Variants in DMD observed in about 807,000 individuals in gnomAD.
DMD encodes the protein mutant dystrophin.
In DMD, 63 loss-of-function variants were observed where a neutral mutation model predicts 330.1. The ratio of observed to expected loss-of-function variants is 0.19; its 90% CI spans 0.16 to 0.24. DMD has a LOEUF of 0.24. Among genes scored for constraint, DMD ranks in the 10% least tolerant of loss-of-function variants. DMD has a pLI of 1.00. For synonymous variants in DMD, 1,223 were observed against 959.8 expected (o/e 1.27, Z -5.07); for missense variants, 3,344 against 2,684.1 (o/e 1.25, Z -5.43).
chrX:32,637,492 T>C (rs1352220453), intron 11 of DMD, among the ~76,000 whole-genome samples: 1 of 111,965 alleles, frequency 8.9e-6, no homozygotes, highest in East Asian at 2.8e-4. Context: ...CAAAGTCACT[T>C]CCACGTGTTC....
chrX:31,642,126 T>C (rs946373714), intron 54 of DMD, among the ~76,000 whole-genome samples: 3 of 112,031 alleles, frequency 2.7e-5, no homozygotes, highest in African/African-American at 9.7e-5. Context: ...CAACATTCTT[T>C]AATATTATTG....
intron 49 of DMD, among the ~76,000 whole-genome samples, chrX:31,822,406 T>C (rs1030401150): frequency 1.8e-5 from 2 of 112,003 alleles, no homozygotes; most frequent in African/African-American, 6.5e-5. Flanking sequence ...TTACAAGTAA[T>C]GATACAGAGC....
At chrX:31,236,145 G>A (rs1259202587) in intron 63 of DMD, among the ~76,000 whole-genome samples, 3 of 112,149 alleles carry the variant, frequency 2.7e-5, no homozygotes, top group African/African-American at 9.7e-5. Context: ...AGTCGTCTTG[G>A]AACCATCAGG....
intron 1 of DMD, chrX:33,129,061 C>A (rs1265719255): frequency 9.0e-6 from 1 of 111,723 alleles, no homozygotes; most frequent in African/African-American, 3.3e-5. Context: ...ACCTTGAATC[C>A]TGCTTCTTGA....
At chrX:32,200,337 C>T (rs2097028589) in intron 44 of DMD, among the ~76,000 whole-genome samples, 1 of 111,843 alleles carries the variant, frequency 8.9e-6, no homozygotes, top group Admixed American at 9.5e-5. Context: ...GTAAATTTGA[C>T]TTTGTAAAGC....
At position 33,211,087 on chromosome X, in the gene DMD, AT is replaced by A. The variant is rs753639546; in HGVS notation, c.31+194del. Among the ~76,000 whole-genome samples the A allele has an allele frequency of 5.8e-4, 65 of 111,711 alleles. No homozygotes were observed. Among genetic ancestry groups the A allele is most frequent in the African/African-American group, 2.0e-3 (61 of 30,808 alleles). On this transcript the variant is annotated intron_variant, in intron 1 of 78. Transcript: ENST00000357033. ...TCGCAAAGAAAAACTTTTACACTCC[AT>A]TTCTGTTGAAAAGTTTTCCCAATGA...
At chrX:32,732,365 C>A (rs2067807549) in intron 7 of DMD, among the ~76,000 whole-genome samples, 1 of 110,778 alleles carries the variant, frequency 9.0e-6, no homozygotes, top group Admixed American at 9.6e-5. Context: ...AGAACTTCCC[C>A]AATCTAGCAA....
At chrX:32,476,644 A>G (rs1259236269) in intron 21 of DMD, among the ~76,000 whole-genome samples, 2 of 112,024 alleles carry the variant, frequency 1.8e-5, no homozygotes, top group Non-Finnish European at 3.8e-5. Context: ...AACGGTATAG[A>G]GTATCTCATT....
chrX:32,581,956 T>A (rs982332831), intron 13 of DMD, among the ~76,000 whole-genome samples: 3 of 111,841 alleles, frequency 2.7e-5, no homozygotes, highest in Non-Finnish European at 5.6e-5. Flanking sequence ...AATACGACCA[T>A]CTCAAATGAT....
chrX:32,552,986 G>T (rs2149004417), intron 16 of DMD, among the ~76,000 whole-genome samples: 1 of 111,823 alleles, frequency 8.9e-6, no homozygotes, highest in South Asian at 3.7e-4. Context: ...AATTAGTTCA[G>T]CCACCGTGGA....
intron 50 of DMD, among the ~76,000 whole-genome samples, chrX:31,814,252 C>T (rs1190154251): frequency 5.5e-5 from 6 of 108,607 alleles, no homozygotes; most frequent in Non-Finnish European, 1.1e-4. Flanking sequence ...AAGGCCGAGG[C>T]GGGCGGATCA....
At chrX:32,644,425 C>T in intron 10 of DMD, 112 bp from the exon 11 acceptor site, 3 of 802,331 alleles carry the variant, frequency 3.7e-6, no homozygotes, top group Non-Finnish European at 5.4e-6. Flanking sequence ...ATTTATATTC[C>T]CAGTAAAAGG....
At chrX:32,728,556 G>A (rs2067157693) in intron 7 of DMD, among the ~76,000 whole-genome samples, 1 of 111,602 alleles carries the variant, frequency 9.0e-6, no homozygotes, top group Non-Finnish European at 1.9e-5. Flanking sequence ...CCACATAAAT[G>A]TCATGTTAAT....
At chrX:32,670,189 G>T (rs1040248033) in intron 9 of DMD, among the ~76,000 whole-genome samples, 1 of 111,663 alleles carries the variant, frequency 9.0e-6, no homozygotes, top group African/African-American at 3.3e-5. Flanking sequence ...TCTTAAAGCA[G>T]CTGTAAGAGT....
chrX:31,227,074 G>T (rs10127097), intron 63 of DMD, among the ~76,000 whole-genome samples: 52,694 of 109,567 alleles, frequency 0.48, 10,940 homozygotes, highest in African/African-American at 0.81. Context: ...CCACTGCCTC[G>T]TAACTCATGT....
At chrX:32,442,330 T>C (rs1007168989) in intron 27 of DMD, among the ~76,000 whole-genome samples, 1 of 110,531 alleles carries the variant, frequency 9.0e-6, no homozygotes. Flanking sequence ...AGAAGATGAA[T>C]AACCCAATCG....
chrX:32,563,695 A>G (rs188403255), intron 16 of DMD, among the ~76,000 whole-genome samples: 12 of 111,907 alleles, frequency 1.1e-4, no homozygotes, highest in Non-Finnish European at 2.1e-4. Flanking sequence ...TAATCAAATC[A>G]GTAATATTTC....
chrX:32,870,980 A>AAAGAAAAAG lies in DMD; in HGVS notation c.94-21161_94-21160insCTTTTTCTT, dbSNP rs1557104331. On this transcript the variant is annotated intron_variant, in intron 2 of 78. Transcript: ENST00000357033. Reference sequence around the variant, plus strand: ...CAGCAAAAAAAAAAAAAAAAAAAAAAAAAAAAAACCACAAAACCCATCATC... The same window carrying AAAGAAAAAG: ...CAGCAAAAAAAAAAAAAAAAAAAAAAAAGAAAAAGAAAAAAAACCACAAAACCCATCATC... 2.5e-3 allele frequency among the ~76,000 whole-genome samples: 93 copies of AAAGAAAAAG among 37,235 alleles called. 4 individuals are homozygous for AAAGAAAAAG. The highest frequency in any genetic ancestry group is 4.6e-3 in the Non-Finnish European group (87 of 18,738). The allele number at this position is 37,235 out of a possible 115,157, so 32.3% of individuals were successfully genotyped here.
intron 2 of DMD, among the ~76,000 whole-genome samples, chrX:32,879,255 T>C (rs1312656610): frequency 3.6e-5 from 4 of 111,392 alleles, no homozygotes; most frequent in Non-Finnish European, 7.5e-5. Context: ...TTAATGCCAG[T>C]GACTGCGGCA....
Sources: allele counts gnomAD v4.1 joint callset (sites outside exome capture counted in the v4.1 genomes callset), GRCh38; gene constraint gnomAD v4.1.1; transcripts MANE v1.5; gene names NCBI Gene and HGNC (gene_info 2026-07-23, HGNC 2026-07-21).